RFX4: variants seen among roughly 807,000 people sequenced by gnomAD.
The protein encoded by RFX4 is transcription factor RFX4.
In RFX4, 10 loss-of-function variants were observed where a neutral mutation model predicts 95.0. The ratio of observed to expected loss-of-function variants is 0.11; its 90% CI spans 0.06 to 0.18. RFX4 has a LOEUF of 0.18. Ranked by LOEUF, RFX4 falls within the 10% of genes least tolerant of loss-of-function variation. RFX4 has a pLI of 1.00. For synonymous variants in RFX4, 321 were observed against 340.7 expected (o/e 0.94, Z 0.64); for missense variants, 640 against 922.0 (o/e 0.69, Z 3.96).
At chr12:106,739,684 A>G (rs1213535534) in intron 15 of RFX4, among the ~76,000 whole-genome samples, 2 of 152,134 alleles carry the variant, frequency 1.3e-5, no homozygotes, top group South Asian at 2.1e-4. Flanking sequence ...TATATGGCCA[A>G]TTTTGGTTGG....
At chr12:106,656,344 C>A (rs2040956917) in intron 4 of RFX4, among the ~76,000 whole-genome samples, 1 of 152,186 alleles carries the variant, frequency 6.6e-6, no homozygotes, top group African/African-American at 2.4e-5. Context: ...TTGGGCAGTG[C>A]AGAATGAAAC....
At chr12:106,693,665 C>T (rs559090367) in intron 7 of RFX4, among the ~76,000 whole-genome samples, 1 of 152,264 alleles carries the variant, frequency 6.6e-6, no homozygotes, top group African/African-American at 2.4e-5. Flanking sequence ...GTCCAAAAGC[C>T]GTGGACATCT....
At chr12:106,675,061 T>G (rs1197869146) in intron 4 of RFX4, among the ~76,000 whole-genome samples, 1 of 152,220 alleles carries the variant, frequency 6.6e-6, no homozygotes, top group Non-Finnish European at 1.5e-5. Context: ...GAATACAAAC[T>G]TTCAATTAGG....
In RFX4 at chr12:106,740,367, G is replaced by A. The variant is rs574339055; in HGVS notation, c.1634-7070G>A. ...ACTTCAGCCCTGCCACAGAGTCTGC[G>A]ATGACTCATTTACAGGACCTCAGAG... On this transcript the variant is annotated intron_variant, in intron 15 of 17. Transcript: ENST00000392842. 2.0e-3 allele frequency among the ~76,000 whole-genome samples: 299 copies of A among 152,280 alleles called. 2 individuals carry two copies. Among genetic ancestry groups the A allele is most frequent in the African/African-American group, 6.3e-3 (262 of 41,544 alleles).
In RFX4 at chr12:106,654,362, C is replaced by G; in HGVS notation, c.315+11C>G. 6.2e-7 allele frequency: 1 copy of G among 1,612,922 alleles called. No individual in the cohort carries two copies. Among genetic ancestry groups the G allele is most frequent in the Non-Finnish European group, 8.5e-7 (1 of 1,179,412 alleles). On this transcript the variant is annotated intron_variant, in intron 4 of 17. Transcript: ENST00000392842. Reference sequence around the variant, plus strand: ...GCCAGCTTTGGAAAGGTGAGTCCAGCCTCATCAGGCTTGTCCTCCCTACCA... The same window carrying G: ...GCCAGCTTTGGAAAGGTGAGTCCAGGCTCATCAGGCTTGTCCTCCCTACCA...
At chr12:106,605,489 T>C (rs974126881) in intron 1 of RFX4, among the ~76,000 whole-genome samples, 3 of 152,170 alleles carry the variant, frequency 2.0e-5, no homozygotes, top group Non-Finnish European at 2.9e-5. Flanking sequence ...GAGTGTTGCA[T>C]CCACATAGTC....
chr12:106,666,773 CTA>C (rs1387323833), intron 4 of RFX4, among the ~76,000 whole-genome samples: 1 of 152,166 alleles, frequency 6.6e-6, no homozygotes, highest in Non-Finnish European at 1.5e-5. Flanking sequence ...CTTAGGATTT[CTA>C]TCTCTCTGCT....
intron 7 of RFX4, among the ~76,000 whole-genome samples, chr12:106,692,422 G>A (rs958564238): frequency 2.0e-5 from 3 of 152,174 alleles, no homozygotes; most frequent in African/African-American, 4.8e-5. Context: ...AGAATATGAT[G>A]TTAGGCATTT....
chr12:106,714,830 A>G (rs2042258490), intron 10 of RFX4: 1 of 152,272 alleles, frequency 6.6e-6, no homozygotes, highest in African/African-American at 2.4e-5. Context: ...TTTTCCTCCA[A>G]CCTAATTATT....
At chr12:106,622,099 C>T (rs909536629) in intron 2 of RFX4, among the ~76,000 whole-genome samples, 4 of 152,140 alleles carry the variant, frequency 2.6e-5, no homozygotes, top group Non-Finnish European at 4.4e-5. Flanking sequence ...GCTTTCTAAG[C>T]TTATACAAGA....
intron 13 of RFX4, among the ~76,000 whole-genome samples, chr12:106,730,011 A>C (rs2042581580): frequency 1.3e-5 from 2 of 152,192 alleles, no homozygotes; most frequent in African/African-American, 4.8e-5. Flanking sequence ...TGGAGATGGA[A>C]GAAGGATGTG....
intron 1 of RFX4, 28 bp from the exon 2 acceptor site, chr12:106,608,769 T>C (rs1451738329): frequency 6.4e-7 from 1 of 1,555,822 alleles, no homozygotes; most frequent in Admixed American, 2.1e-5. Context: ...TTTTCTTTTC[T>C]TTCTTTCTTT....
In RFX4 at chr12:106,614,455, G is replaced by A. The variant is rs1407817192; in HGVS notation, c.130+5572G>A. On this transcript the variant is annotated intron_variant, in intron 2 of 17. Transcript: ENST00000392842. ...ATTACAGGCGTGAGCCCCTGTGCCC[G>A]GCCCTTCTTCACGTCTTTTGCCTGT... is the stretch of plus-strand genomic sequence containing the variant. Among the ~76,000 whole-genome samples the A allele has an allele frequency of 8.0e-5, 12 of 149,960 alleles. No homozygotes were observed. The East Asian group carries it at 9.9e-4, about 12-fold the overall frequency.
At chr12:106,690,947 A>C (rs1420828281) in intron 7 of RFX4, among the ~76,000 whole-genome samples, 1 of 152,140 alleles carries the variant, frequency 6.6e-6, no homozygotes, top group East Asian at 1.9e-4. Context: ...ATTTCATTTC[A>C]TTTGCTTAAT....
intron 8 of RFX4, among the ~76,000 whole-genome samples, chr12:106,703,259 G>T (rs1241464204): frequency 6.6e-6 from 1 of 152,094 alleles, no homozygotes; most frequent in African/African-American, 2.4e-5. Context: ...TAGATTATCT[G>T]GCTTTTTCTT....
At chr12:106,689,190 C>A (rs77230921) in intron 6 of RFX4, 97 bp from the exon 7 acceptor site, 43 of 1,023,546 alleles carry the variant, frequency 4.2e-5, no homozygotes, top group East Asian at 1.2e-4. Flanking sequence ...GCATCCCCCC[C>A]ACAGGGAAGA....
chr12:106,747,682 C>A, intron 16 of RFX4, 83 bp downstream of exon 16: 1 of 1,499,018 alleles, frequency 6.7e-7, no homozygotes, highest in Non-Finnish European at 9.1e-7. Flanking sequence ...CCCTGTAATC[C>A]CAGCACTTTG....
At position 106,667,968 on chromosome 12, in the gene RFX4, G is replaced by A. The variant is rs1002370080; in HGVS notation, c.315+13617G>A. ...ACACTGGAGCATTCTCTATAAAGTC[G>A]ATCCTAGGTGGAAACCAGAAGGTCT... On this transcript the variant is annotated intron_variant, in intron 4 of 17. Transcript: ENST00000392842. Among the ~76,000 whole-genome samples the A allele has an allele frequency of 1.1e-4, 16 of 152,256 alleles. No homozygotes were observed. The East Asian group carries it at 2.5e-3, about 24-fold the overall frequency.
At chr12:106,642,354 G>T (rs571121468) in intron 3 of RFX4, among the ~76,000 whole-genome samples, 1 of 151,410 alleles carries the variant, frequency 6.6e-6, no homozygotes, top group South Asian at 2.1e-4. Flanking sequence ...AGTGGCTCAC[G>T]CCTGTAATCC....
Sources: gnomAD v4.1 joint callset for allele counts (sites outside exome capture counted in the v4.1 genomes callset) on GRCh38, gnomAD v4.1.1 for gene constraint, MANE v1.5 for transcripts, NCBI Gene and HGNC (gene_info 2026-07-23, HGNC 2026-07-21) for gene names.